Variants in PIK3CD observed in about 807,000 individuals in gnomAD.
The protein encoded by PIK3CD is phosphatidylinositol-4,5-bisphosphate 3-kinase catalytic subunit delta, also known as phosphatidylinositol 4,5-bisphosphate 3-kinase catalytic subunit delta isoform.
A neutral mutation model predicts 122.9 loss-of-function variants in PIK3CD; 20 were observed. The observed-to-expected ratio is 0.16, with a 90% CI of 0.11 to 0.24. The LOEUF (loss-of-function observed/expected upper bound fraction) is 0.24. Among genes scored for constraint, PIK3CD ranks in the 10% least tolerant of loss-of-function variants. The pLI, the probability that PIK3CD is intolerant of heterozygous loss-of-function variation, is 1.00. For missense variants in PIK3CD, 787 were observed against 1,406.3 expected, an observed-to-expected ratio of 0.56 and a Z score of 7.04; for synonymous variants, 596 against 593.4, an observed-to-expected ratio of 1.00 and a Z score of -0.06.
chr1:9,657,203 C>T (rs563358523), intron 1 of PIK3CD, among the ~76,000 whole-genome samples: 155 of 152,268 alleles, frequency 1.0e-3, no homozygotes, highest in African/African-American at 3.6e-3. Context: ...GGATTTAGGG[C>T]TCCCTCAGAT....
At chr1:9,655,456 CT>C (rs60265380) in intron 1 of PIK3CD, among the ~76,000 whole-genome samples, 1 of 111,236 alleles carries the variant, frequency 9.0e-6, no homozygotes, top group Non-Finnish European at 1.8e-5. Context: ...GCCCCCCCCC[CT>C]TTTTTATTGC....
At chr1:9,651,897 G>A (rs1397121205) in intron 1 of PIK3CD, 95 bp downstream of exon 1, 1 of 152,272 alleles carries the variant, frequency 6.6e-6, no homozygotes, top group Non-Finnish European at 1.5e-5. Flanking sequence ...GCGCGGGGCT[G>A]GCTGGCGGGC....
the PIK3CD span, among the ~76,000 whole-genome samples, chr1:9,643,069 G>A: frequency 6.0e-5 from 9 of 149,874 alleles, no homozygotes; most frequent in African/African-American, 2.2e-4. Flanking sequence ...ACAAAATCCT[G>A]TCTCAAAGAA....
chr1:9,678,183 G>T (rs545903146), intron 1 of PIK3CD, among the ~76,000 whole-genome samples: 2 of 151,844 alleles, frequency 1.3e-5, no homozygotes, highest in East Asian at 1.9e-4. Context: ...CAAAAATCCG[G>T]CCGGGCACTG....
At chr1:9,637,837 T>C in the PIK3CD span, among the ~76,000 whole-genome samples, 29,934 of 152,092 alleles carry the variant, frequency 0.2, 2,994 homozygotes, top group East Asian at 0.26. Flanking sequence ...AGTTCTAGGC[T>C]GGGCGCCATG....
chr1:9,634,493 C>T, the PIK3CD span, among the ~76,000 whole-genome samples: 1 of 151,800 alleles, frequency 6.6e-6, no homozygotes, highest in African/African-American at 2.4e-5. Context: ...GAGATGGGGC[C>T]TCGCCATGTT....
At chr1:9,713,814 C>T (rs1377612494) in intron 3 of PIK3CD, among the ~76,000 whole-genome samples, 1 of 150,150 alleles carries the variant, frequency 6.7e-6, no homozygotes, top group African/African-American at 2.4e-5. Flanking sequence ...TGCCATGTTG[C>T]CCAAGCTATA....
At chr1:9,693,425 G>GT (rs1401041339) in intron 2 of PIK3CD, among the ~76,000 whole-genome samples, 1 of 151,396 alleles carries the variant, frequency 6.6e-6, no homozygotes, top group Non-Finnish European at 1.5e-5. Context: ...TAGAGACATG[G>GT]TTTTGCCATG....
At chr1:9,709,173 G>T (rs1178181228) in intron 2 of PIK3CD, among the ~76,000 whole-genome samples, 1 of 151,966 alleles carries the variant, frequency 6.6e-6, no homozygotes, top group Non-Finnish European at 1.5e-5. Context: ...GGGATTACAG[G>T]CATGTGCCAC....
intron 1 of PIK3CD, among the ~76,000 whole-genome samples, chr1:9,684,262 C>T (rs113236418): frequency 0.025 from 3,848 of 152,182 alleles, 66 homozygotes; most frequent in Non-Finnish European, 0.038. Context: ...GCAGGCTGGG[C>T]GCAGTGGCTC....
intron 1 of PIK3CD, among the ~76,000 whole-genome samples, chr1:9,663,023 G>A (rs1025360491): frequency 2.0e-5 from 3 of 152,104 alleles, no homozygotes; most frequent in Non-Finnish European, 4.4e-5. Context: ...ATTGCTCTGC[G>A]GAGGCTGTCT....
the PIK3CD span, among the ~76,000 whole-genome samples, chr1:9,646,071 C>T: frequency 1.3e-5 from 2 of 151,792 alleles, no homozygotes; most frequent in African/African-American, 4.8e-5. Context: ...CGCACCTGGC[C>T]GAAAGTGAAA....
intron 1 of PIK3CD, chr1:9,654,248 G>A: frequency 7.3e-7 from 1 of 1,367,720 alleles, no homozygotes; most frequent in Non-Finnish European, 9.8e-7. Flanking sequence ...TCCCGACCAC[G>A]CAGATGTCCC....
chr1:9,671,203 G>A (rs945292960), intron 1 of PIK3CD, among the ~76,000 whole-genome samples: 3 of 152,030 alleles, frequency 2.0e-5, no homozygotes, highest in Admixed American at 6.6e-5. Flanking sequence ...GGGCTCAAGC[G>A]ATCTTCCCAC....
At chr1:9,648,198 G>A (rs150648323), upstream of PIK3CD, among the ~76,000 whole-genome samples, 1,158 of 152,190 alleles carry the variant, frequency 7.6e-3, 4 homozygotes, top group Middle Eastern at 0.054. Context: ...AAATATTTAC[G>A]TCAAAGAGGT....
intron 1 of PIK3CD, among the ~76,000 whole-genome samples, chr1:9,682,135 C>A (rs1645779057): frequency 6.6e-6 from 1 of 152,136 alleles, no homozygotes; most frequent in South Asian, 2.1e-4. Context: ...GTTGGCCAGG[C>A]TGGTCTCCAA....
chr1:9,721,063 CCT>C, intron 13 of PIK3CD, 62 bp from the exon 14 acceptor site: 1 of 1,505,086 alleles, frequency 6.6e-7, no homozygotes, highest in Non-Finnish European at 9.1e-7. Context: ...TGGCCATCAC[CCT>C]TACCCTGACC....
chr1:9,710,527 C>T lies in PIK3CD; in HGVS notation c.72C>T (p.Phe24=). ...KEENQSVVVD[F]LLPTGVYLNF... is the part of the protein sequence containing the mutation. ...AGAATCAGAGCGTTGTGGTTGACTT[C>T]CTGCTGCCCACAGGGGTCTACCTGA... The change falls in exon 3 of 24, where the codon TTC becomes TTT. Residue 24 remains phenylalanine, a synonymous_variant. Transcript: ENST00000377346. The surrounding 1 kb of genome is among the most constrained non-coding windows in gnomAD (Gnocchi z 4.7). The T allele has an allele frequency of 6.2e-7, 1 of 1,614,128 alleles. No individual in the cohort carries two copies. Among genetic ancestry groups the T allele is most frequent in the East Asian group, 2.2e-5 (1 of 44,870 alleles).
At chr1:9,654,137 C>A in intron 1 of PIK3CD, 1 of 1,241,124 alleles carries the variant, frequency 8.1e-7, no homozygotes, top group Non-Finnish European at 1.1e-6. Context: ...CCTTCTGAGC[C>A]CCACTTCCCC....
Sources: gnomAD v4.1 joint callset for allele counts (sites outside exome capture counted in the v4.1 genomes callset) on GRCh38, gnomAD v4.1.1 for gene constraint, Gnocchi (gnomAD v3.1) non-coding constraint, MANE v1.5 for transcripts, NCBI Gene and HGNC (gene_info 2026-07-23, HGNC 2026-07-21) for gene names.